The following C13orf46 variants were observed in gnomAD, a reference collection of about 807,000 sequenced individuals.
C13orf46 encodes uncharacterized protein C13orf46.
At chr13:113,936,162 G>C in the C13orf46 span, among the ~76,000 whole-genome samples, 1 of 152,228 alleles carries the variant, frequency 6.6e-6, no homozygotes, top group Non-Finnish European at 1.5e-5. Context: ...GCCCAGGTGA[G>C]TGTGGCTGCT....
At chr13:113,959,802 C>G (rs2052573309) in intron 6 of C13orf46, among the ~76,000 whole-genome samples, 1 of 152,136 alleles carries the variant, frequency 6.6e-6, no homozygotes, top group African/African-American at 2.4e-5. Context: ...AAATGACTGG[C>G]TATTTTAAAA....
chr13:113,946,264 A>T, the C13orf46 span, among the ~76,000 whole-genome samples: 1 of 152,136 alleles, frequency 6.6e-6, no homozygotes, highest in Non-Finnish European at 1.5e-5. Flanking sequence ...GAAGAACTTG[A>T]TGAAAGCTCA....
the C13orf46 span, among the ~76,000 whole-genome samples, chr13:113,935,697 C>T: frequency 1.0e-3 from 157 of 152,318 alleles, no homozygotes; most frequent in African/African-American, 2.7e-3. Context: ...AAACTGCATA[C>T]GTGCCCTTAG....
chr13:113,938,677 G>C, the C13orf46 span, among the ~76,000 whole-genome samples: 1 of 152,310 alleles, frequency 6.6e-6, no homozygotes, highest in South Asian at 2.1e-4. Flanking sequence ...GTCTTTGGGA[G>C]GGGCCCTTGC....
chr13:113,973,209 C>T (rs904783796), intron 1 of C13orf46, among the ~76,000 whole-genome samples: 1 of 152,236 alleles, frequency 6.6e-6, no homozygotes, highest in Admixed American at 6.5e-5. Flanking sequence ...CATTCACCCA[C>T]GAGGAAATTC....
At chr13:113,943,072 GGCTGCCTCCCACAGGA>G in the C13orf46 span, among the ~76,000 whole-genome samples, 1 of 152,236 alleles carries the variant, frequency 6.6e-6, no homozygotes, top group Non-Finnish European at 1.5e-5. Context: ...TTCTGCAAAT[GGCTGCCTCCCACAGGA>G]GAGCTCGGGG....
At chr13:113,962,538 T>C (rs948535531) in intron 6 of C13orf46, among the ~76,000 whole-genome samples, 2 of 152,218 alleles carry the variant, frequency 1.3e-5, no homozygotes, top group Non-Finnish European at 1.5e-5. Flanking sequence ...CCTCCCGGTA[T>C]TGGGAAATCA....
chr13:113,965,766 G>C (rs1420212098), intron 5 of C13orf46, among the ~76,000 whole-genome samples: 3 of 151,088 alleles, frequency 2.0e-5, no homozygotes, highest in Non-Finnish European at 4.4e-5. Flanking sequence ...TGATGGTGAT[G>C]ATGGTGATGG....
At chr13:113,971,597 T>C (rs1289822805) in intron 1 of C13orf46, among the ~76,000 whole-genome samples, 1 of 152,218 alleles carries the variant, frequency 6.6e-6, no homozygotes, top group Non-Finnish European at 1.5e-5. Flanking sequence ...GTGCTCCGCA[T>C]GGCCCAGGCC....
In C13orf46 at chr13:113,954,364, T is replaced by C. The variant is rs2052504363; in HGVS notation, c.*2409A>G. On this transcript the variant is annotated 3_prime_UTR_variant, in exon 7 of 7. Transcript: ENST00000636427. ...ACATATGAATATGCACGTGTGCGTG[T>C]CTGAACGAGAGGGCTCTGGGTGGAT... 1.3e-5 allele frequency: 2 copies of C among 152,456 alleles called. No individual in the cohort carries two copies. The highest frequency in any genetic ancestry group is 6.5e-5 in the Admixed American group (1 of 15,298). The allele number at this position is 152,456 out of a possible 1,614,324, so 9.4% of individuals were successfully genotyped here.
chr13:113,938,923 A>C, the C13orf46 span, among the ~76,000 whole-genome samples: 1 of 152,102 alleles, frequency 6.6e-6, no homozygotes, highest in East Asian at 1.9e-4. Context: ...CAGGAGGCTC[A>C]GGCCCTGCTG....
At chr13:113,970,642 C>T (rs947055093) in intron 1 of C13orf46, among the ~76,000 whole-genome samples, 2 of 152,236 alleles carry the variant, frequency 1.3e-5, no homozygotes, top group African/African-American at 2.4e-5. Flanking sequence ...CTACTACCCC[C>T]AACCCAGGCT....
rs1337656973 is a variant in C13orf46 at position 113,954,592 on chromosome 13, G to A, written c.*2181C>T. On this transcript the variant is annotated 3_prime_UTR_variant, in exon 7 of 7. Coordinates refer to ENST00000636427, the MANE Select transcript of C13orf46 (RefSeq NM_001365455.2). Reference sequence around the variant, plus strand: ...TCCTGGCTCCTGCAGGGACTTTGGTGACACAGCAGATGCTCCATCCCTGCC... The same window carrying A: ...TCCTGGCTCCTGCAGGGACTTTGGTAACACAGCAGATGCTCCATCCCTGCC... 2 of 152,510 alleles carry A rather than the reference G, an allele frequency of 1.3e-5. No homozygotes were observed. Among genetic ancestry groups the A allele is most frequent in the Admixed American group, 1.3e-4 (2 of 15,294 alleles). The allele number at this position is 152,510 out of a possible 1,614,324, so 9.4% of individuals were successfully genotyped here.
chr13:113,942,933 C>G, the C13orf46 span, among the ~76,000 whole-genome samples: 1 of 152,216 alleles, frequency 6.6e-6, no homozygotes, highest in Non-Finnish European at 1.5e-5. Flanking sequence ...GTGCCCCTCA[C>G]GAGCACTGCA....
chr13:113,933,449 C>T, the C13orf46 span, among the ~76,000 whole-genome samples: 1 of 152,144 alleles, frequency 6.6e-6, no homozygotes, highest in African/African-American at 2.4e-5. Context: ...AATTCTTCAA[C>T]TCTGTTCTTT....
At chr13:113,933,178 T>A in the C13orf46 span, among the ~76,000 whole-genome samples, 3 of 152,232 alleles carry the variant, frequency 2.0e-5, no homozygotes, top group Admixed American at 2.0e-4. Flanking sequence ...AGTTAATTGT[T>A]GTATGTGGTG....
the C13orf46 span, among the ~76,000 whole-genome samples, chr13:113,942,989 G>A: frequency 6.6e-6 from 1 of 152,240 alleles, no homozygotes; most frequent in Non-Finnish European, 1.5e-5. Context: ...GGTGGATGCT[G>A]AGCCCTGCCC....
chr13:113,956,539 T>C lies in C13orf46; in HGVS notation c.*234A>G, dbSNP rs1435266351. On this transcript the variant is annotated 3_prime_UTR_variant, in exon 7 of 7. Transcript: ENST00000636427. ...TGGTGTGGTCATCGGCACCCCAGCG[T>C]TGCTCAGAGCTGGCGGGATCTTTAG... 2 of 152,970 alleles carry C rather than the reference T, an allele frequency of 1.3e-5. No homozygotes were observed. The highest frequency in any genetic ancestry group is 6.5e-5 in the Admixed American group (1 of 15,298). The allele number at this position is 152,970 out of a possible 1,614,324, so 9.5% of individuals were successfully genotyped here.
the C13orf46 span, among the ~76,000 whole-genome samples, chr13:113,935,542 A>G: frequency 2.0e-5 from 3 of 152,346 alleles, no homozygotes; most frequent in South Asian, 2.1e-4. Context: ...GTCCTCTTAA[A>G]TATCTCCCAG....
Sources: gnomAD v4.1 joint callset for allele counts (sites outside exome capture counted in the v4.1 genomes callset) on GRCh38, gnomAD v4.1.1 for gene constraint, MANE v1.5 for transcripts, NCBI Gene and HGNC (gene_info 2026-07-23, HGNC 2026-07-21) for gene names.